Variants in MAP3K1 observed in about 807,000 individuals in gnomAD.
MAP3K1 encodes the protein MAP/ERK kinase kinase 1.
In MAP3K1, 36 loss-of-function variants were observed where a neutral mutation model predicts 144.2. The ratio of observed to expected loss-of-function variants is 0.25; its 90% CI spans 0.19 to 0.33. MAP3K1 has a LOEUF of 0.33. Ranked by LOEUF, MAP3K1 falls within the 10% of genes least tolerant of loss-of-function variation. The pLI is 1.00. For synonymous variants in MAP3K1, 718 were observed against 688.7 expected, an observed-to-expected ratio of 1.04 and a Z score of -0.67; for missense variants, 1,650 against 1,881.9, an observed-to-expected ratio of 0.88 and a Z score of 2.28.
intron 1 of MAP3K1, among the ~76,000 whole-genome samples, chr5:56,834,035 T>C (rs1746572137): frequency 6.6e-6 from 1 of 152,214 alleles, no homozygotes; most frequent in African/African-American, 2.4e-5. Flanking sequence ...GATTATCTTT[T>C]AGTTTATAGA....
intron 6 of MAP3K1, among the ~76,000 whole-genome samples, chr5:56,869,098 AG>A (rs1747772774): frequency 1.3e-5 from 2 of 151,320 alleles, no homozygotes; most frequent in African/African-American, 4.9e-5. Context: ...AAAAAAAAAA[AG>A]AGAAAAGAAA....
rs1748669795 is a variant in MAP3K1 at position 56,895,278 on chromosome 5, T to C, written c.*1598T>C. On this transcript the variant is annotated 3_prime_UTR_variant, in exon 20 of 20. Transcript: ENST00000399503. ...TTTTACATTCCTTTGTTTTGGAAGA[T>C]TGGCGATATTTGAAGAGTTAAAAAT... 4.3e-6 allele frequency: 1 copy of C among 232,262 alleles called. No individual in the cohort carries two copies. Among genetic ancestry groups the C allele is most frequent in the East Asian group, 6.1e-5 (1 of 16,398 alleles). 14.4% of individuals were successfully genotyped at this position (232,262 alleles called of 1,614,324 possible). A position where few individuals can be genotyped will look rare whatever the true frequency, so the allele number is the denominator to read the frequency against.
At chr5:56,848,506 G>T (rs1235143995) in intron 1 of MAP3K1, among the ~76,000 whole-genome samples, 2 of 152,292 alleles carry the variant, frequency 1.3e-5, no homozygotes, top group Middle Eastern at 3.4e-3. Context: ...GTTCCTAGCT[G>T]CAGGACAAGG....
At chr5:56,865,797 A>C (rs1747654877) in intron 5 of MAP3K1, 32 bp from the exon 6 acceptor site, 1 of 1,608,418 alleles carries the variant, frequency 6.2e-7, no homozygotes, top group Non-Finnish European at 8.5e-7. Context: ...TATGGCACAA[A>C]TATCATTGTT....
chr5:56,877,039 C>T (rs1489826326), intron 10 of MAP3K1, among the ~76,000 whole-genome samples: 5 of 152,128 alleles, frequency 3.3e-5, no homozygotes, highest in Non-Finnish European at 7.3e-5. Flanking sequence ...CTTCTAGGAT[C>T]CTTCAGTAAG....
At position 56,877,519 on chromosome 5, in the gene MAP3K1, AAT is replaced by A. The variant is rs1491361561; in HGVS notation, c.1966-1460_1966-1459del. On this transcript the variant is annotated intron_variant, in intron 10 of 19. Transcript: ENST00000399503. ...TTCCTCTCCCTCCCTCTGCATATATAATTTTTTTTTTTTTTTTTGCTGAATCG... is the reference window on the plus strand; with the variant it reads ...TTCCTCTCCCTCCCTCTGCATATATATTTTTTTTTTTTTTTTGCTGAATCG... Among the ~76,000 whole-genome samples the A allele has an allele frequency of 2.0e-3, 166 of 83,440 alleles. 5 individuals are homozygous for A. In the South Asian group the frequency reaches 0.056, roughly 28 times the overall value. 54.7% of individuals were successfully genotyped at this position (83,440 alleles called of 152,430 possible).
At position 56,895,976 on chromosome 5, in the gene MAP3K1, C is replaced by CCA. The variant is rs1748691289; in HGVS notation, c.*2296_*2297insCA. 5.6e-6 allele frequency: 1 copy of CCA among 177,420 alleles called. No homozygotes were observed. Among genetic ancestry groups the CCA allele is most frequent in the African/African-American group, 2.8e-5 (1 of 35,364 alleles). 11.0% of individuals were successfully genotyped at this position (177,420 alleles called of 1,614,324 possible). A position where few individuals can be genotyped will look rare whatever the true frequency, so the allele number is the denominator to read the frequency against. ...CACCTTACTGTGTAAGCAAATGTTA[C>CCA]AAAAAAAAAAAAAAAAAATCTCTGG... On this transcript the variant is annotated 3_prime_UTR_variant, in exon 20 of 20. Transcript: ENST00000399503.
At chr5:56,816,539 TGA>T (rs1379505448) in intron 1 of MAP3K1, among the ~76,000 whole-genome samples, 1 of 151,630 alleles carries the variant, frequency 6.6e-6, no homozygotes, top group Non-Finnish European at 1.5e-5. Context: ...GGTGGGAGAC[TGA>T]GAGGACCGAA....
chr5:56,857,164 A>G (rs771838101), intron 2 of MAP3K1, among the ~76,000 whole-genome samples: 10 of 152,188 alleles, frequency 6.6e-5, no homozygotes, highest in Non-Finnish European at 1.5e-4. Flanking sequence ...GTAATTCATA[A>G]GTGTAATGAT....
chr5:56,873,825 T>A (rs897993608), intron 9 of MAP3K1, among the ~76,000 whole-genome samples: 5 of 152,200 alleles, frequency 3.3e-5, no homozygotes, highest in African/African-American at 1.2e-4. Flanking sequence ...TCTTAGCATA[T>A]TAGCAACCCA....
At position 56,882,541 on chromosome 5, in the gene MAP3K1, C is replaced by A. The variant is rs1451626052; in HGVS notation, c.3341C>A (p.Thr1114Asn). 2 of 1,613,964 alleles carry A rather than the reference C, an allele frequency of 1.2e-6. No individual in the cohort carries two copies. The highest frequency in any genetic ancestry group is 2.7e-5 in the African/African-American group (2 of 74,882). The change falls in exon 14 of 20, where the codon ACC becomes AAC. Residue 1114 changes from threonine (T) to asparagine (N), a missense_variant. By Grantham distance (65) the Thr-to-Asn change is moderately conservative (BLOSUM62 0). Around this residue, in one of 6 missense-constraint regions of MAP3K1, gnomAD observed 841 missense variants for 886.5 expected, o/e 0.95. Transcript: ENST00000399503. ...AVIPSDETVF[T>N]PVEEKCRLDV... is the part of the protein sequence containing the mutation. ...ATACCCAGTGACGAGACAGTGTTCA[C>A]CCCAGTAGAGGAGAAATGCAGATTA...
In MAP3K1 at chr5:56,859,774, G is replaced by A. The variant is rs376486169; in HGVS notation, c.693G>A (p.Glu231=). Residue 231 remains glutamate (E), a synonymous_variant, in exon 3 of 20, where the codon GAG becomes GAA. Transcript: ENST00000399503. ...DGSEMNHLAA[E]SPGEVQASAA... ...CTGAAATGAATCACTTAGCAGCTGA[G>A]TCTCCAGGAGAGGTCCAGGCAAGTG... 4.3e-6 allele frequency: 7 copies of A among 1,613,938 alleles called. No individual in the cohort carries two copies. In the African/African-American group the frequency reaches 8.0e-5, roughly 18 times the overall value.
At chr5:56,849,773 TTTGTTTGCAGA>T (rs1747112569) in intron 1 of MAP3K1, among the ~76,000 whole-genome samples, 1 of 151,598 alleles carries the variant, frequency 6.6e-6, no homozygotes, top group Admixed American at 6.6e-5. Flanking sequence ...TGGTTTTGGT[TTTGTTTGCAGA>T]TGCCTCAGAT....
Position 56,828,526 on chromosome 5 carries a change from A to G in MAP3K1, c.482+12471A>G, listed in dbSNP as rs115289638. Among the ~76,000 whole-genome samples, 1,108 of 152,348 alleles carry G rather than the reference A, an allele frequency of 7.3e-3. 23 individuals carry two copies. The highest frequency in any genetic ancestry group is 0.024 in the African/African-American group (1,010 of 41,586). ...ACTATAAAGAGAAATGCAAATGAAAAGCAACAAAAGCTTAGAAAAAAGAAA... is the reference window on the plus strand; with the variant it reads ...ACTATAAAGAGAAATGCAAATGAAAGGCAACAAAAGCTTAGAAAAAAGAAA... On this transcript the variant is annotated intron_variant, in intron 1 of 19. Coordinates refer to ENST00000399503, the MANE Select transcript of MAP3K1 (RefSeq NM_005921.2).
chr5:56,881,008 C>T, intron 12 of MAP3K1, 75 bp from the exon 13 acceptor site: 2 of 1,299,950 alleles, frequency 1.5e-6, no homozygotes, highest in Non-Finnish European at 2.2e-6. Flanking sequence ...TGGCCTTACA[C>T]CATTTAATCA....
At chr5:56,861,594 G>GGGGCTATTAAAATA (rs1747516277) in intron 3 of MAP3K1, among the ~76,000 whole-genome samples, 1 of 148,530 alleles carries the variant, frequency 6.7e-6, no homozygotes, top group Non-Finnish European at 1.5e-5. Context: ...AAAAAAAGGG[G>GGGGCTATTAAAATA]CTATTAAAAT....
intron 1 of MAP3K1, among the ~76,000 whole-genome samples, chr5:56,836,829 C>G (rs1220815112): frequency 1.3e-5 from 2 of 152,166 alleles, no homozygotes; most frequent in East Asian, 3.9e-4. Context: ...GTAATGCTTA[C>G]TTGGAACAGT....
chr5:56,836,041 C>G (rs560543744), intron 1 of MAP3K1, among the ~76,000 whole-genome samples: 4 of 152,194 alleles, frequency 2.6e-5, no homozygotes, highest in Admixed American at 1.3e-4. Flanking sequence ...GAAACAGACA[C>G]AAATCCCTGC....
Position 56,845,031 on chromosome 5 carries a change from G to A in MAP3K1, c.483-11569G>A, listed in dbSNP as rs1746946774. Among the ~76,000 whole-genome samples the A allele has an allele frequency of 3.9e-5, 6 of 152,148 alleles. No homozygotes were observed. In the South Asian group the frequency reaches 6.2e-4, roughly 16 times the overall value. Reference sequence around the variant, plus strand: ...GTAAGAGGGCTTTGTATGCTAATTCGGGGTTATCCCCTCTTCTCCTTTAAT... The same window carrying A: ...GTAAGAGGGCTTTGTATGCTAATTCAGGGTTATCCCCTCTTCTCCTTTAAT... On this transcript the variant is annotated intron_variant, in intron 1 of 19. Transcript: ENST00000399503.
Sources: allele counts gnomAD v4.1 joint callset (sites outside exome capture counted in the v4.1 genomes callset), GRCh38; gene constraint gnomAD v4.1.1; regional missense constraint gnomAD v4.1.1; transcripts MANE v1.5; gene names NCBI Gene and HGNC (gene_info 2026-07-23, HGNC 2026-07-21).